Variants in PPP2R5C observed in about 807,000 individuals in gnomAD.
PPP2R5C encodes serine/threonine-protein phosphatase 2A 56 kDa regulatory subunit gamma isoform.
In PPP2R5C, 7 loss-of-function variants were observed where a neutral mutation model predicts 68.9. The observed-to-expected ratio is 0.10, with a 90% CI of 0.06 to 0.19. The LOEUF (loss-of-function observed/expected upper bound fraction) is 0.19. Ranked by LOEUF, PPP2R5C falls within the 10% of genes least tolerant of loss-of-function variation. PPP2R5C has a pLI of 1.00. For synonymous variants in PPP2R5C, 210 were observed against 222.2 expected (o/e 0.95, Z 0.49); for missense variants, 348 against 641.3 (o/e 0.54, Z 4.94).
At chr14:101,799,286 TC>T (rs1487402429) in intron 3 of PPP2R5C, among the ~76,000 whole-genome samples, 1 of 152,194 alleles carries the variant, frequency 6.6e-6, no homozygotes. Flanking sequence ...GCCCACTGCT[TC>T]CTGCATTTTG....
chr14:101,764,178 G>A (rs2036732254), intron 2 of PPP2R5C, among the ~76,000 whole-genome samples: 1 of 152,240 alleles, frequency 6.6e-6, no homozygotes, highest in Non-Finnish European at 1.5e-5. Flanking sequence ...GCCTTCAGAG[G>A]ATTTGCAGAG....
At chr14:101,783,594 G>A (rs1487304259) in intron 2 of PPP2R5C, among the ~76,000 whole-genome samples, 1 of 152,058 alleles carries the variant, frequency 6.6e-6, no homozygotes, top group Non-Finnish European at 1.5e-5. Flanking sequence ...CCCGAGGGCT[G>A]ACTTATTTTC....
intron 2 of PPP2R5C, among the ~76,000 whole-genome samples, chr14:101,771,539 C>T (rs1383636717): frequency 6.6e-6 from 1 of 152,052 alleles, no homozygotes; most frequent in African/African-American, 2.4e-5. Flanking sequence ...ACCAGCCTGG[C>T]CAAGATGGTG....
rs955917745 is a variant in PPP2R5C at position 101,781,666 on chromosome 14, G to A, written c.94-4352G>A. ...GGCATGGGCCCCAGGCCGGGGTCCC[G>A]CCTTTGCCCCGGCCTCCGCTGCCTC... is the stretch of plus-strand genomic sequence containing the variant. On this transcript the variant is annotated intron_variant, in intron 2 of 14. Coordinates refer to the PPP2R5C transcript ENST00000328724. The surrounding 1 kb of genome is among the most constrained non-coding windows in gnomAD (Gnocchi z 6.4). 3.3e-5 allele frequency among the ~76,000 whole-genome samples: 5 copies of A among 152,234 alleles called. No homozygotes were observed. The East Asian group carries it at 9.7e-4, about 29-fold the overall frequency.
At chr14:101,803,290 G>A (rs868634665) in intron 3 of PPP2R5C, 4 of 152,362 alleles carry the variant, frequency 2.6e-5, no homozygotes, top group African/African-American at 9.7e-5. Context: ...CAGCCCCTGC[G>A]CAAGGATGAC....
In PPP2R5C at chr14:101,903,201, G is replaced by A. The variant is rs564962316; in HGVS notation, c.1023+1312G>A. Among the ~76,000 whole-genome samples, 3 of 152,232 alleles carry A rather than the reference G, an allele frequency of 2.0e-5. No homozygotes were observed. In the South Asian group the frequency reaches 6.2e-4, roughly 32 times the overall value. The stretch of plus-strand genomic sequence containing the variant: ...GGAGAGACTGGCAGTCGTGGGAAGT[G>A]TCCCAAAAACTTGAGCCCCTTCCCC... On this transcript the variant is annotated intron_variant, in intron 9 of 13. Coordinates refer to ENST00000334743, the Ensembl canonical transcript of PPP2R5C.
At chr14:101,766,314 G>A (rs2036858332) in intron 2 of PPP2R5C, 1 of 152,168 alleles carries the variant, frequency 6.6e-6, no homozygotes, top group Non-Finnish European at 1.5e-5. Flanking sequence ...CAGCTTGGGG[G>A]TTAGAAAATA....
rs1275910640 is a variant in PPP2R5C at position 101,888,946 on chromosome 14, C to A, written c.630-1291C>A. Among the ~76,000 whole-genome samples, 1 of 152,104 alleles carries A rather than the reference C, an allele frequency of 6.6e-6. No individual in the cohort carries two copies. The highest frequency in any genetic ancestry group is 1.5e-5 in the Non-Finnish European group (1 of 68,014). ...AGCCTCTCCATGCATCTTGCCCACCCCACTCCACGGCACAGACCTTTGTTC... is the reference window on the plus strand; with the variant it reads ...AGCCTCTCCATGCATCTTGCCCACCACACTCCACGGCACAGACCTTTGTTC... On this transcript the variant is annotated intron_variant, in intron 5 of 13. Coordinates refer to ENST00000334743, the Ensembl canonical transcript of PPP2R5C. The surrounding 1 kb of genome is among the most constrained non-coding windows in gnomAD (Gnocchi z 5.6).
chr14:101,772,175 A>G (rs1394194721), intron 2 of PPP2R5C, among the ~76,000 whole-genome samples: 1 of 152,212 alleles, frequency 6.6e-6, no homozygotes, highest in East Asian at 1.9e-4. Flanking sequence ...TTAATATGAA[A>G]TATCAAATTT....
intron 1 of PPP2R5C, among the ~76,000 whole-genome samples, chr14:101,841,644 G>T (rs992250406): frequency 3.3e-5 from 5 of 152,224 alleles, no homozygotes; most frequent in African/African-American, 1.2e-4. Context: ...TGGTGTTGGT[G>T]TTCTTTTTGA....
intron 1 of PPP2R5C, among the ~76,000 whole-genome samples, chr14:101,814,003 C>T (rs973478100): frequency 3.9e-5 from 6 of 152,164 alleles, no homozygotes; most frequent in Admixed American, 1.3e-4. Flanking sequence ...TTTCCTGCTG[C>T]GCTAAATCTG....
intron 1 of PPP2R5C, among the ~76,000 whole-genome samples, chr14:101,840,218 C>G (rs1428835826): frequency 6.6e-6 from 1 of 151,874 alleles, no homozygotes; most frequent in Non-Finnish European, 1.5e-5. Context: ...TTTAGAGACC[C>G]TGTTGTATTT....
rs998508015 is a variant in PPP2R5C at position 101,907,124 on chromosome 14, G to A, written c.1151+595G>A. ...TCTGAGACTTTAAAAGGAAACTGTTGATATGGGTGCCACATTATTTATTTA... is the reference window on the plus strand; with the variant it reads ...TCTGAGACTTTAAAAGGAAACTGTTAATATGGGTGCCACATTATTTATTTA... On this transcript the variant is annotated intron_variant, in intron 10 of 13. Transcript: ENST00000334743. Among the ~76,000 whole-genome samples, 15 of 152,262 alleles carry A rather than the reference G, an allele frequency of 9.9e-5. No individual in the cohort carries two copies. The East Asian group carries it at 1.2e-3, about 12-fold the overall frequency.
chr14:101,820,872 T>G (rs1423540711), intron 1 of PPP2R5C: 1 of 152,164 alleles, frequency 6.6e-6, no homozygotes, highest in African/African-American at 2.4e-5. Flanking sequence ...TAAGTAAATA[T>G]TTTTAAAATT....
In PPP2R5C at chr14:101,875,720, A is replaced by G. The variant is rs114453891; in HGVS notation, c.295-6441A>G. ...CTTTAAGACTGCTACTACGATTTTT[A>G]CTATTCTACCTAAATTTTAGGTTAA... On this transcript the variant is annotated intron_variant, in intron 2 of 13. Transcript: ENST00000334743. Among the ~76,000 whole-genome samples, 1,029 of 152,330 alleles carry G rather than the reference A, an allele frequency of 6.8e-3. 8 individuals are homozygous for G. The highest frequency in any genetic ancestry group is 0.024 in the African/African-American group (996 of 41,564).
chr14:101,896,520 G>T (rs2448234), intron 8 of PPP2R5C, among the ~76,000 whole-genome samples: 10,477 of 150,846 alleles, frequency 0.069, 471 homozygotes, highest in South Asian at 0.12. Context: ...AATCACTTGA[G>T]CCCAAGAGTT....
At chr14:101,862,061 C>A (rs2042775138) in intron 2 of PPP2R5C, among the ~76,000 whole-genome samples, 1 of 152,162 alleles carries the variant, frequency 6.6e-6, no homozygotes, top group African/African-American at 2.4e-5. Context: ...CACAGGCTTG[C>A]ACCACCATAC....
intron 2 of PPP2R5C, among the ~76,000 whole-genome samples, chr14:101,878,889 C>T (rs1047931152): frequency 6.6e-6 from 1 of 152,262 alleles, no homozygotes; most frequent in African/African-American, 2.4e-5. Context: ...CGGGTTGACA[C>T]ATACGGCCAG....
At chr14:101,842,523 C>G (rs2041541191) in intron 1 of PPP2R5C, among the ~76,000 whole-genome samples, 1 of 152,178 alleles carries the variant, frequency 6.6e-6, no homozygotes. Context: ...GGGTCCCCAC[C>G]CAGGTGTGCT....
Sources: gnomAD v4.1 joint callset for allele counts (sites outside exome capture counted in the v4.1 genomes callset) on GRCh38, gnomAD v4.1.1 for gene constraint, Gnocchi (gnomAD v3.1) non-coding constraint, MANE v1.5 for transcripts, NCBI Gene and HGNC (gene_info 2026-07-23, HGNC 2026-07-21) for gene names.